Variants in HIBADH observed in about 807,000 individuals in gnomAD.
The protein encoded by HIBADH is 3-hydroxyisobutyrate dehydrogenase, mitochondrial.
In HIBADH, 25 loss-of-function variants were observed where a neutral mutation model predicts 36.1. That is an observed-to-expected ratio of 0.69 (90% CI 0.50 to 0.97). The LOEUF (loss-of-function observed/expected upper bound fraction) is 0.97, where lower values mean the gene tolerates loss of function less well. Among genes scored for constraint, HIBADH ranks in the 50% least tolerant of loss-of-function variants. The pLI is 0.00. For missense variants in HIBADH, 421 were observed against 418.0 expected, an observed-to-expected ratio of 1.01 and a Z score of -0.06; for synonymous variants, 160 against 149.5, an observed-to-expected ratio of 1.07 and a Z score of -0.51.
chr7:27,538,087 TA>T (rs1312809647), intron 6 of HIBADH, among the ~76,000 whole-genome samples: 3 of 152,146 alleles, frequency 2.0e-5, no homozygotes, highest in Non-Finnish European at 4.4e-5. Context: ...ATAAAAAGGA[TA>T]ATATAGCTTC....
At position 27,527,917 on chromosome 7, in the gene HIBADH, C is replaced by CTTTTTTTTTTTTTTTTTTTTTTTTTTT. The variant is rs1562609863; in HGVS notation, c.853-1546_853-1545insAAAAAAAAAAAAAAAAAAAAAAAAAAA. 2.1e-4 allele frequency among the ~76,000 whole-genome samples: 16 copies of CTTTTTTTTTTTTTTTTTTTTTTTTTTT among 77,024 alleles called. 6 individuals carry two copies. Among genetic ancestry groups the CTTTTTTTTTTTTTTTTTTTTTTTTTTT allele is most frequent in the African/African-American group, 4.9e-4 (9 of 18,294 alleles). The allele number at this position is 77,024 out of a possible 152,430, so 50.5% of individuals were successfully genotyped here. A position where few individuals can be genotyped will look rare whatever the true frequency, so the allele number is the denominator to read the frequency against. ...AGGCATTTGCCACCACCACACCCAG[C>CTTTTTTTTTTTTTTTTTTTTTTTTTTT]GTTTTTTTTTTTTTTTTTTTTTTTT... On this transcript the variant is annotated intron_variant, in intron 7 of 7. Coordinates refer to ENST00000265395, the MANE Select transcript of HIBADH (RefSeq NM_152740.4).
chr7:27,595,569 C>T (rs1785018903), intron 4 of HIBADH, among the ~76,000 whole-genome samples: 1 of 136,242 alleles, frequency 7.3e-6, no homozygotes, highest in South Asian at 2.4e-4. Context: ...GTGTAATTTC[C>T]ATAAGGGCAG....
chr7:27,660,417 A>T (rs992921674), intron 1 of HIBADH, among the ~76,000 whole-genome samples: 9 of 152,240 alleles, frequency 5.9e-5, no homozygotes, highest in African/African-American at 7.2e-5. Context: ...TAATCCCAGC[A>T]CTCTGGGAGG....
intron 4 of HIBADH, among the ~76,000 whole-genome samples, chr7:27,615,787 T>C (rs1785414500): frequency 6.6e-6 from 1 of 152,174 alleles, no homozygotes; most frequent in Non-Finnish European, 1.5e-5. Flanking sequence ...ATCCTTCTAT[T>C]GATAAAGAAA....
intron 4 of HIBADH, among the ~76,000 whole-genome samples, chr7:27,574,410 T>A (rs1326682868): frequency 6.6e-6 from 1 of 152,102 alleles, no homozygotes; most frequent in African/African-American, 2.4e-5. Flanking sequence ...TTAGGGATAT[T>A]CTCAATATAT....
At chr7:27,576,614 C>T (rs1784714848) in intron 4 of HIBADH, among the ~76,000 whole-genome samples, 1 of 152,150 alleles carries the variant, frequency 6.6e-6, no homozygotes, top group Non-Finnish European at 1.5e-5. Flanking sequence ...AACCTATTTA[C>T]CCTAAATAAG....
chr7:27,577,164 C>CTT (rs35467427), intron 4 of HIBADH, among the ~76,000 whole-genome samples: 14,332 of 143,818 alleles, frequency 0.1, 1,154 homozygotes, highest in Non-Finnish European at 0.14. Context: ...CATCATTTCT[C>CTT]TCTTTTTTTT....
In HIBADH at chr7:27,526,065, C is replaced by T. The variant is rs574199853; in HGVS notation, c.*149G>A. The T allele has an allele frequency of 3.6e-4, 200 of 552,946 alleles. No individual in the cohort carries two copies. The highest frequency in any genetic ancestry group is 3.5e-3 in the African/African-American group (179 of 51,360). The allele number at this position is 552,946 out of a possible 1,614,324, so 34.3% of individuals were successfully genotyped here. ...TTGTTAAAAAGACAAAAAGAATAAG[C>T]GGTGAAAAATCCTAGGGATTACTGT... On this transcript the variant is annotated 3_prime_UTR_variant, in exon 8 of 8. Transcript: ENST00000265395.
Position 27,545,890 on chromosome 7 carries a change from A to G in HIBADH, c.485-2790T>C, listed in dbSNP as rs115299223. ...TCCCCATTATCTATTATAGTGCATG[A>G]TATACTCAACAAATGGTTGGCTGAT... On this transcript the variant is annotated intron_variant, in intron 4 of 7. Coordinates refer to ENST00000265395, the MANE Select transcript of HIBADH (RefSeq NM_152740.4). 2.9e-3 allele frequency among the ~76,000 whole-genome samples: 444 copies of G among 152,250 alleles called. 1 individual carries two copies. Among genetic ancestry groups the G allele is most frequent in the African/African-American group, 0.01 (424 of 41,538 alleles).
At chr7:27,635,086 A>G (rs889539006) in intron 2 of HIBADH, among the ~76,000 whole-genome samples, 224 of 149,772 alleles carry the variant, frequency 1.5e-3, no homozygotes, top group Non-Finnish European at 2.3e-3. Flanking sequence ...CTCTCTGTGC[A>G]TGTGTGTGTG....
intron 4 of HIBADH, among the ~76,000 whole-genome samples, chr7:27,624,218 T>C (rs142062510): frequency 2.6e-4 from 39 of 152,142 alleles, no homozygotes; most frequent in African/African-American, 8.4e-4. Context: ...CTAAAATTTG[T>C]ACGGACCAGA....
chr7:27,618,071 C>T (rs151068046), intron 4 of HIBADH, among the ~76,000 whole-genome samples: 4 of 152,280 alleles, frequency 2.6e-5, no homozygotes, highest in Non-Finnish European at 5.9e-5. Context: ...AATTCACAAA[C>T]CCTGTGCTTG....
intron 4 of HIBADH, among the ~76,000 whole-genome samples, chr7:27,564,510 T>C (rs1784515895): frequency 6.6e-6 from 1 of 152,232 alleles, no homozygotes; most frequent in African/African-American, 2.4e-5. Context: ...CTCTCTTCTG[T>C]TTCACTGATC....
chr7:27,573,932 T>C (rs957754407), intron 4 of HIBADH, among the ~76,000 whole-genome samples: 1 of 152,234 alleles, frequency 6.6e-6, no homozygotes, highest in Admixed American at 6.5e-5. Flanking sequence ...TTATTACTTT[T>C]CTAATGTGAC....
At chr7:27,549,653 G>C (rs528645057) in intron 4 of HIBADH, among the ~76,000 whole-genome samples, 32 of 152,274 alleles carry the variant, frequency 2.1e-4, no homozygotes, top group African/African-American at 7.7e-4. Context: ...CAAAAATAGT[G>C]ACCTTTTTTC....
intron 4 of HIBADH, among the ~76,000 whole-genome samples, chr7:27,603,956 C>T (rs879805863): frequency 1.3e-5 from 2 of 152,102 alleles, no homozygotes; most frequent in Non-Finnish European, 2.9e-5. Context: ...CTAGCTCTCA[C>T]CCCCACACCA....
intron 2 of HIBADH, among the ~76,000 whole-genome samples, chr7:27,637,037 C>G (rs958757158): frequency 6.6e-6 from 1 of 152,030 alleles, no homozygotes; most frequent in Non-Finnish European, 1.5e-5. Context: ...GCAGCTGAGA[C>G]AGTGGTGTTT....
Position 27,550,959 on chromosome 7 carries a change from G to C in HIBADH, c.485-7859C>G, listed in dbSNP as rs149587019. On this transcript the variant is annotated intron_variant, in intron 4 of 7. Coordinates refer to ENST00000265395, the MANE Select transcript of HIBADH (RefSeq NM_152740.4). ...TTATTGTAATCTTGAAAATTACTGAGAGTAGATTTTTAAGTAACTTCACCA... is the reference window on the plus strand; with the variant it reads ...TTATTGTAATCTTGAAAATTACTGACAGTAGATTTTTAAGTAACTTCACCA... 2.6e-3 allele frequency among the ~76,000 whole-genome samples: 398 copies of C among 152,154 alleles called. 5 individuals carry two copies. Among genetic ancestry groups the C allele is most frequent in the African/African-American group, 9.0e-3 (375 of 41,532 alleles).
intron 4 of HIBADH, among the ~76,000 whole-genome samples, chr7:27,572,001 A>G (rs1784635253): frequency 6.6e-6 from 1 of 152,112 alleles, no homozygotes; most frequent in African/African-American, 2.4e-5. Flanking sequence ...TCCATAGAAC[A>G]CCCTTTCTCC....
Sources: gnomAD v4.1 joint callset for allele counts (sites outside exome capture counted in the v4.1 genomes callset) on GRCh38, gnomAD v4.1.1 for gene constraint, MANE v1.5 for transcripts, NCBI Gene and HGNC (gene_info 2026-07-23, HGNC 2026-07-21) for gene names.